CECR2: variants seen among roughly 807,000 people sequenced by gnomAD.
CECR2 encodes CECR2 histone acetyl-lysine reader.
A neutral mutation model predicts 154.5 loss-of-function variants in CECR2; 30 were observed. That is an observed-to-expected ratio of 0.19 (90% CI 0.15 to 0.26). The LOEUF (loss-of-function observed/expected upper bound fraction) is 0.26. Among genes scored for constraint, CECR2 ranks in the 10% least tolerant of loss-of-function variants. The probability of loss-of-function intolerance (pLI) is 1.00; values close to 1 mark genes in which losing one functional copy is unlikely to be tolerated. For synonymous variants in CECR2, 725 were observed against 683.7 expected, an observed-to-expected ratio of 1.06 and a Z score of -0.94; for missense variants, 1,743 against 1,829.3, an observed-to-expected ratio of 0.95 and a Z score of 0.86.
chr22:17,548,154 C>T lies in CECR2; in HGVS notation c.2867C>T (p.Pro956Leu), dbSNP rs777735148. The change falls in exon 17 of 19, where the codon CCG becomes CTG. Residue 956 changes from proline to leucine, a missense_variant. Coordinates refer to ENST00000262608, the MANE Select transcript of CECR2 (RefSeq NM_001290047.2). ...TTTTTTTTTTTTTTTGCAGCAGAGC[C>T]GTTGCCTGGCCTTGAAGAGAAACCA... ...AQEPENDQAE[P>L]LPGLEEKPPG... 4.6e-6 allele frequency: 7 copies of T among 1,524,374 alleles called. No individual in the cohort carries two copies. The highest frequency in any genetic ancestry group is 2.4e-5 in the East Asian group (1 of 41,034). 94.4% of individuals were successfully genotyped at this position (1,524,374 alleles called of 1,614,324 possible).
intron 1 of CECR2, among the ~76,000 whole-genome samples, chr22:17,433,797 A>C (rs909161243): frequency 6.6e-5 from 10 of 152,144 alleles, no homozygotes; most frequent in Non-Finnish European, 2.9e-5. Flanking sequence ...TGAATGCATT[A>C]TCAAGGAGGA....
In CECR2 at chr22:17,488,407, A is replaced by G. The variant is rs75530329; in HGVS notation, c.222-8996A>G. Among the ~76,000 whole-genome samples, 1,086 of 152,358 alleles carry G rather than the reference A, an allele frequency of 7.1e-3. 13 individuals carry two copies. The highest frequency in any genetic ancestry group is 0.024 in the African/African-American group (1,011 of 41,590). On this transcript the variant is annotated intron_variant, in intron 2 of 18. Coordinates refer to ENST00000262608, the MANE Select transcript of CECR2 (RefSeq NM_001290047.2). Reference sequence around the variant, plus strand: ...CATAGTCACTATCCTACTGAAGAAAATAGACATTTCTGTCTTCCCAGAAAG... The same window carrying G: ...CATAGTCACTATCCTACTGAAGAAAGTAGACATTTCTGTCTTCCCAGAAAG...
chr22:17,446,601 C>T (rs1174331382), intron 1 of CECR2, among the ~76,000 whole-genome samples: 1 of 135,484 alleles, frequency 7.4e-6, no homozygotes, highest in African/African-American at 3.4e-5. Flanking sequence ...CCTGTAGTCC[C>T]AGCTACTCAG....
At chr22:17,493,318 G>A (rs1377288705) in intron 2 of CECR2, among the ~76,000 whole-genome samples, 1 of 152,146 alleles carries the variant, frequency 6.6e-6, no homozygotes, top group African/African-American at 2.4e-5. Context: ...GCAAAATTGT[G>A]TGCTCATTTT....
intron 1 of CECR2, among the ~76,000 whole-genome samples, chr22:17,438,484 A>C (rs1354501473): frequency 6.6e-6 from 1 of 152,232 alleles, no homozygotes; most frequent in Non-Finnish European, 1.5e-5. Context: ...TACTCAATTT[A>C]ACATCAAAAT....
Position 17,538,717 on chromosome 22 carries a change from T to C in CECR2, c.1354T>C (p.Tyr452His). The change falls in exon 12 of 19, where the codon TAT becomes CAT. Residue 452 changes from tyrosine (Y) to histidine (H), a missense_variant. Tyr to His is a moderately conservative substitution (Grantham distance 83). Coordinates refer to ENST00000262608, the MANE Select transcript of CECR2 (RefSeq NM_001290047.2). ...PVDESYAPNYYQIIKAPMDIS... is the reference protein window; with the variant it reads ...PVDESYAPNYHQIIKAPMDIS... ...GGATGAATCTTATGCCCCTAACTAT[T>C]ATCAGATTATTAAGGTAGAAGTTGT... The C allele has an allele frequency of 6.2e-7, 1 of 1,613,606 alleles. No individual in the cohort carries two copies. Among genetic ancestry groups the C allele is most frequent in the Middle Eastern group, 1.7e-4 (1 of 6,060 alleles).
At chr22:17,402,751 CTTCTTTT>C (rs1348401396) in intron 1 of CECR2, among the ~76,000 whole-genome samples, 3 of 128,552 alleles carry the variant, frequency 2.3e-5, no homozygotes, top group Non-Finnish European at 4.7e-5. Context: ...TCTTTCTTTT[CTTCTTTT>C]TTTTTTTTTT....
At chr22:17,405,407 C>T (rs1419990472) in intron 1 of CECR2, among the ~76,000 whole-genome samples, 5 of 144,530 alleles carry the variant, frequency 3.5e-5, no homozygotes, top group East Asian at 2.0e-4. Context: ...AGCGAAACTC[C>T]GTCTCAAATA....
intron 1 of CECR2, among the ~76,000 whole-genome samples, chr22:17,410,446 T>G (rs1016784491): frequency 1.3e-5 from 2 of 152,060 alleles, no homozygotes; most frequent in Admixed American, 1.3e-4. Context: ...GTTTTTTTGT[T>G]TTGTTTTGTT....
chr22:17,415,276 C>T lies in CECR2; in HGVS notation c.126+45367C>T, dbSNP rs114879095. Among the ~76,000 whole-genome samples the T allele has an allele frequency of 2.3e-3, 352 of 152,126 alleles. 2 individuals are homozygous for T. The highest frequency in any genetic ancestry group is 7.9e-3 in the African/African-American group (329 of 41,498). ...CTTCTTCTTGAGACAGGGTCTCTGT[C>T]GCCCAGGCTGGAATGCAGTGGCACA... On this transcript the variant is annotated intron_variant, in intron 1 of 18. Transcript: ENST00000262608.
chr22:17,451,969 G>T (rs1362625893), intron 1 of CECR2, among the ~76,000 whole-genome samples: 8 of 152,206 alleles, frequency 5.3e-5, no homozygotes. Flanking sequence ...GAAGTTCAGT[G>T]GGCCTGATGT....
At chr22:17,413,251 C>T (rs1266468217) in intron 1 of CECR2, among the ~76,000 whole-genome samples, 1 of 152,174 alleles carries the variant, frequency 6.6e-6, no homozygotes, top group African/African-American at 2.4e-5. Context: ...TGGTTCTAAC[C>T]TTGGAGAGTG....
chr22:17,411,463 G>A (rs1017252757), intron 1 of CECR2, among the ~76,000 whole-genome samples: 1 of 152,222 alleles, frequency 6.6e-6, no homozygotes, highest in Admixed American at 6.5e-5. Context: ...AGAATGTGAT[G>A]TAATGGGCCT....
rs779765763 is a variant in CECR2 at position 17,542,362 on chromosome 22, G to A, written c.2219G>A (p.Gly740Glu). 8.1e-6 allele frequency: 13 copies of A among 1,613,840 alleles called. No homozygotes were observed. The highest frequency in any genetic ancestry group is 1.0e-5 in the Non-Finnish European group (12 of 1,179,862). The change falls in exon 16 of 19, where the codon GGG (glycine) becomes GAG (glutamate). Residue 740 changes from glycine (G) to glutamate (E), a missense_variant. This residue lies in a region of CECR2 where 1,250 missense variants were observed against 1,192.1 expected (regional missense o/e 1.05). Transcript: ENST00000262608. ...QPGFIPPRHGGAPARPPDFPE... is the reference protein window; with the variant it reads ...QPGFIPPRHGEAPARPPDFPE... ...GGATTCATTCCTCCCCGGCATGGGG[G>A]GGCTCCAGCCCGGCCACCAGACTTT...
chr22:17,522,163 C>T (rs1279707958), intron 8 of CECR2, among the ~76,000 whole-genome samples: 2 of 152,140 alleles, frequency 1.3e-5, no homozygotes, highest in African/African-American at 2.4e-5. Flanking sequence ...AGTGACAAGG[C>T]TCAGTATTAT....
chr22:17,517,927 C>T (rs888169473), intron 8 of CECR2, among the ~76,000 whole-genome samples: 2 of 152,356 alleles, frequency 1.3e-5, no homozygotes, highest in East Asian at 3.9e-4. Context: ...ATTATGGTTA[C>T]AGGCCTTCAC....
In CECR2 at chr22:17,549,338, C is replaced by T. The variant is rs753592652; in HGVS notation, c.4051C>T (p.Pro1351Ser). 1.2e-6 allele frequency: 2 copies of T among 1,613,982 alleles called. No individual in the cohort carries two copies. Among genetic ancestry groups the T allele is most frequent in the Admixed American group, 3.3e-5 (2 of 60,012 alleles). Residue 1351 changes from proline to serine, a missense_variant, in exon 17 of 19, where the codon CCT becomes TCT. Transcript: ENST00000262608. ...VMLQTGPPYTPQRPASHFQPR... is the reference protein window; with the variant it reads ...VMLQTGPPYTSQRPASHFQPR... ...GCTGCAGACGGGGCCTCCCTATACC[C>T]CTCAGCGGCCGGCCAGTCACTTTCA...
chr22:17,479,937 C>T (rs907770134), intron 2 of CECR2, among the ~76,000 whole-genome samples: 10 of 151,724 alleles, frequency 6.6e-5, no homozygotes, highest in Admixed American at 5.3e-4. Context: ...TGATTTTTAA[C>T]AATTTTTTGT....
rs1405641894 is a variant in CECR2, at chr22:17,542,586, A to G, written c.2443A>G (p.Arg815Gly). 1 of 1,613,964 alleles carries G rather than the reference A, an allele frequency of 6.2e-7. No homozygotes were observed. The highest frequency in any genetic ancestry group is 1.7e-5 in the Admixed American group (1 of 60,010). ...TCACGTGATGGATTCCCGAGTCATG[A>G]GACCACCTGTCCCCCCCAACCAGTG... The part of the protein sequence containing the change: ...LGHVMDSRVM[R>G]PPVPPNQWTE... The change falls in exon 16 of 19, where the codon AGA becomes GGA. Residue 815 changes from arginine to glycine, a missense_variant. Around this residue, in one of 4 missense-constraint regions of CECR2, gnomAD observed 1,250 missense variants for 1,192.1 expected, o/e 1.05. Transcript: ENST00000262608.
Sources: gnomAD v4.1 joint callset for allele counts (sites outside exome capture counted in the v4.1 genomes callset) on GRCh38, gnomAD v4.1.1 for gene constraint, gnomAD v4.1.1 regional missense constraint, MANE v1.5 for transcripts, NCBI Gene and HGNC (gene_info 2026-07-23, HGNC 2026-07-21) for gene names.